Variants in LRRC69 observed in about 807,000 individuals in gnomAD.
LRRC69 encodes the protein leucine-rich repeat-containing protein 69.
A neutral mutation model predicts 37.8 loss-of-function variants in LRRC69; 42 were observed. The ratio of observed to expected loss-of-function variants is 1.11; its 90% CI spans 0.87 to 1.44. LRRC69 has a LOEUF of 1.44. Among genes scored for constraint, LRRC69 ranks in the 40% most tolerant of loss-of-function variants. The probability of loss-of-function intolerance (pLI) is 0.00; values close to 1 mark genes in which losing one functional copy is unlikely to be tolerated. For synonymous variants in LRRC69, 141 were observed against 143.1 expected, an observed-to-expected ratio of 0.99 and a Z score of 0.11; for missense variants, 357 against 401.9, an observed-to-expected ratio of 0.89 and a Z score of 0.96.
intron 5 of LRRC69, among the ~76,000 whole-genome samples, chr8:91,144,338 CT>C (rs536077445): frequency 1.2e-3 from 188 of 152,148 alleles, no homozygotes; most frequent in African/African-American, 4.0e-3. Context: ...GTCTTTGCCC[CT>C]GTTCCAGGTT....
chr8:91,203,618 C>T (rs897360332), intron 7 of LRRC69, among the ~76,000 whole-genome samples: 9 of 151,550 alleles, frequency 5.9e-5, no homozygotes, highest in South Asian at 2.1e-4. Context: ...AGGCTTGTCT[C>T]GAACTCCTGA....
chr8:91,210,562 G>GACACAC (rs35968986), intron 7 of LRRC69, among the ~76,000 whole-genome samples: 3,348 of 146,154 alleles, frequency 0.023, 133 homozygotes, highest in African/African-American at 0.078. Flanking sequence ...CACACACACA[G>GACACAC]ACACACACAC....
intron 6 of LRRC69, among the ~76,000 whole-genome samples, chr8:91,194,147 A>G (rs368155907): frequency 2.7e-5 from 3 of 112,382 alleles, no homozygotes; most frequent in East Asian, 5.0e-4. Flanking sequence ...GCTGGATTAC[A>G]TTTATTGATT....
In LRRC69 at chr8:91,135,666, A is replaced by G. The variant is rs931946237; in HGVS notation, c.580-2A>G. ...ATCTCTCTCTTCTGTTTTCTGACACAGGAACTTTGTGATCTTAAAAAACTA... is the reference window on the plus strand; with the variant it reads ...ATCTCTCTCTTCTGTTTTCTGACACGGGAACTTTGTGATCTTAAAAAACTA... On this transcript the variant is annotated splice_acceptor_variant, in intron 4 of 7. Coordinates refer to ENST00000448384, the Ensembl canonical transcript of LRRC69. LOFTEE classifies it high-confidence loss of function. The G allele has an allele frequency of 2.1e-6, 3 of 1,453,058 alleles. No individual in the cohort carries two copies. Among genetic ancestry groups the G allele is most frequent in the African/African-American group, 3.0e-5 (2 of 67,352 alleles). 90.0% of individuals were successfully genotyped at this position (1,453,058 alleles called of 1,614,324 possible).
exon 5 of LRRC69, chr8:91,135,706 A>C (rs1036584310): frequency 6.9e-7 from 1 of 1,459,052 alleles, no homozygotes; most frequent in South Asian, 1.4e-5. Flanking sequence ...TCCTAGACAT[A>C]GCTGGAAATA....
At chr8:91,115,964 C>T (rs1479890333) in intron 1 of LRRC69, among the ~76,000 whole-genome samples, 2 of 152,000 alleles carry the variant, frequency 1.3e-5, no homozygotes, top group South Asian at 2.1e-4. Context: ...GTCTCTTCAC[C>T]GTGAGCCAGG....
intron 5 of LRRC69, among the ~76,000 whole-genome samples, chr8:91,163,780 T>A (rs546386320): frequency 5.4e-4 from 82 of 150,696 alleles, no homozygotes; most frequent in Non-Finnish European, 9.8e-4. Context: ...GGCTGCCAAG[T>A]TTAGAAAAAA....
chr8:91,155,527 A>G (rs1433403556), intron 5 of LRRC69, among the ~76,000 whole-genome samples: 2 of 150,926 alleles, frequency 1.3e-5, no homozygotes, highest in Non-Finnish European at 3.0e-5. Context: ...GAAAACATAC[A>G]ATAAATTACT....
At chr8:91,172,654 T>C (rs1323593936) in intron 5 of LRRC69, among the ~76,000 whole-genome samples, 2 of 151,988 alleles carry the variant, frequency 1.3e-5, no homozygotes, top group Non-Finnish European at 2.9e-5. Flanking sequence ...TAGCTGGGAC[T>C]ACAGTCATGC....
chr8:91,170,592 C>T lies in LRRC69; in HGVS notation c.652-18930C>T, dbSNP rs1317854165. On this transcript the variant is annotated intron_variant, in intron 5 of 7. Transcript: ENST00000448384. ...AACAGAACAGAGCCCTCAGAAATAA[C>T]GCCGCGTATCTACAACTATCTGATC... Among the ~76,000 whole-genome samples, 19 of 72,134 alleles carry T rather than the reference C, an allele frequency of 2.6e-4. 7 individuals carry two copies. Among genetic ancestry groups the T allele is most frequent in the South Asian group, 5.4e-4 (1 of 1,840 alleles). 47.3% of individuals were successfully genotyped at this position (72,134 alleles called of 152,430 possible).
chr8:91,187,641 C>A (rs1336437436), intron 5 of LRRC69, among the ~76,000 whole-genome samples: 1 of 152,160 alleles, frequency 6.6e-6, no homozygotes, highest in African/African-American at 2.4e-5. Flanking sequence ...ACATTTCAAA[C>A]CTTCACTGCT....
chr8:91,207,587 A>C (rs908122996), intron 7 of LRRC69, among the ~76,000 whole-genome samples: 2 of 152,232 alleles, frequency 1.3e-5, no homozygotes, highest in Admixed American at 6.5e-5. Flanking sequence ...AGTTACTTTA[A>C]GAGGCATTTC....
intron 3 of LRRC69, among the ~76,000 whole-genome samples, chr8:91,131,178 A>G (rs1352610134): frequency 2.0e-5 from 3 of 151,434 alleles, no homozygotes; most frequent in African/African-American, 7.3e-5. Flanking sequence ...ATTCTTTATA[A>G]TAGTTTGGCT....
At chr8:91,195,833 A>G (rs1315745585) in intron 6 of LRRC69, among the ~76,000 whole-genome samples, 6 of 151,058 alleles carry the variant, frequency 4.0e-5, no homozygotes, top group African/African-American at 1.4e-4. Context: ...TGGAGCATTT[A>G]GTCCATTTAC....
chr8:91,214,200 G>A (rs1196456593), intron 7 of LRRC69, among the ~76,000 whole-genome samples: 6 of 152,080 alleles, frequency 3.9e-5, no homozygotes, highest in Non-Finnish European at 8.8e-5. Flanking sequence ...AATATAAATT[G>A]TTGATTGATT....
chr8:91,152,068 T>C (rs537758744), intron 5 of LRRC69, among the ~76,000 whole-genome samples: 41 of 151,774 alleles, frequency 2.7e-4, no homozygotes, highest in Non-Finnish European at 4.7e-4. Context: ...TTGCAAAAAT[T>C]TTCTCCTATT....
chr8:91,118,933 A>G (rs1813567171), intron 1 of LRRC69, among the ~76,000 whole-genome samples: 1 of 152,114 alleles, frequency 6.6e-6, no homozygotes, highest in Admixed American at 6.6e-5. Context: ...CTTCTCAGAG[A>G]GTACTTCTCT....
chr8:91,168,522 C>T (rs1809069185), intron 5 of LRRC69, among the ~76,000 whole-genome samples: 1 of 151,840 alleles, frequency 6.6e-6, no homozygotes, highest in Admixed American at 6.6e-5. Context: ...GCCCCTTGGT[C>T]TTTTCTTGTT....
chr8:91,118,132 A>G (rs545941777), intron 1 of LRRC69: 3 of 455,206 alleles, frequency 6.6e-6, no homozygotes, highest in African/African-American at 2.0e-5. Context: ...TAAAAGTGCT[A>G]CCCATTACTG....
Sources: gnomAD v4.1 joint callset for allele counts (sites outside exome capture counted in the v4.1 genomes callset) on GRCh38, gnomAD v4.1.1 for gene constraint, MANE v1.5 for transcripts, NCBI Gene and HGNC (gene_info 2026-07-23, HGNC 2026-07-21) for gene names.